Variants in ZNF219 observed in about 807,000 individuals in gnomAD.
ZNF219 encodes the protein zinc finger protein 219.
In ZNF219, 17 loss-of-function variants were observed where a neutral mutation model predicts 54.4. The ratio of observed to expected loss-of-function variants is 0.31; its 90% CI spans 0.21 to 0.47. ZNF219 has a LOEUF of 0.47. Ranked by LOEUF, ZNF219 falls within the 20% of genes least tolerant of loss-of-function variation. ZNF219 has a pLI of 1.00. For synonymous variants in ZNF219, 518 were observed against 476.4 expected (o/e 1.09, Z -1.14); for missense variants, 1,014 against 1,062.3 (o/e 0.95, Z 0.63).
At chr14:21,091,809 G>A (rs1888901860) in intron 3 of ZNF219, 56 bp downstream of exon 3, 3 of 1,482,290 alleles carry the variant, frequency 2.0e-6, no homozygotes, top group Non-Finnish European at 1.8e-6. Flanking sequence ...GGGAGTGGCG[G>A]CGTAAGAGTC....
At position 21,091,487 on chromosome 14, in the gene ZNF219, G is replaced by A. The variant is rs779382910; in HGVS notation, c.1488C>T (p.Thr496=). 4 of 1,610,162 alleles carry A rather than the reference G, an allele frequency of 2.5e-6. No individual in the cohort carries two copies. In the South Asian group the frequency reaches 3.3e-5, roughly 13 times the overall value. ...GTRPEGGRGA[T]GKDCPFCGKS... is the part of the protein sequence containing the mutation. ...TTCCGCAGAAAGGACAATCCTTGCC[G>A]GTGGCGCCCCGGCCCCCTTCAGGCC... is the stretch of plus-strand genomic sequence containing the variant. The change falls in exon 4 of 5, where the codon ACC becomes ACT. Residue 496 remains threonine (T), a synonymous_variant. Coordinates refer to ENST00000360947, the MANE Select transcript of ZNF219 (RefSeq NM_016423.3).
At position 21,091,104 on chromosome 14, in the gene ZNF219, G is replaced by A. The variant is rs1473434952; in HGVS notation, c.1601C>T (p.Ala534Val). 3 of 1,583,800 alleles carry A rather than the reference G, an allele frequency of 1.9e-6. No homozygotes were observed. Among genetic ancestry groups the A allele is most frequent in the Non-Finnish European group, 8.6e-7 (1 of 1,168,882 alleles). The change falls in exon 5 of 5, where the codon GCG becomes GTG. Residue 534 changes from alanine (A) to valine (V), a missense_variant. Around this residue, in one of 5 missense-constraint regions of ZNF219, gnomAD observed 38 missense variants for 67.3 expected, o/e 0.56. Coordinates refer to ENST00000360947, the MANE Select transcript of ZNF219 (RefSeq NM_016423.3). ...CTTGAGCGAGCCGGACTGGGTGCCC[G>A]CGTAGTCGCAGTGCGGACACTTGTA... ...RPYKCPHCDY[A>V]GTQSGSLKYH...
upstream of ZNF219, chr14:21,102,554 G>A: frequency 6.4e-7 from 1 of 1,551,658 alleles, no homozygotes; most frequent in Non-Finnish European, 8.7e-7. Context: ...GGATAAGGAG[G>A]CAAGAGGAGG....
At chr14:21,098,968 A>T (rs1889480054), upstream of ZNF219, 3 of 638,214 alleles carry the variant, frequency 4.7e-6, no homozygotes, top group Non-Finnish European at 6.6e-6. Flanking sequence ...TGTCGGCCGT[A>T]TAAGAAACAT....
rs1186030448 is a variant in ZNF219, at chr14:21,092,388, C to T, written c.909G>A (p.Ala303=). 19 of 1,573,734 alleles carry T rather than the reference C, an allele frequency of 1.2e-5. No individual in the cohort carries two copies. The highest frequency in any genetic ancestry group is 1.5e-5 in the Non-Finnish European group (17 of 1,160,010). ...MRKHKASFDH[A]CPVCGRCFKE... is the part of the protein sequence containing the mutation. ...TGAAGCAGCGGCCGCACACCGGACA[C>T]GCATGATCGAAGGAGGCCTTGTGCT... The change falls in exon 3 of 5, where the codon GCG becomes GCA. Residue 303 remains alanine, a synonymous_variant. Transcript: ENST00000360947.
chr14:21,093,968 A>T, intron 1 of ZNF219: 1 of 385,720 alleles, frequency 2.6e-6, no homozygotes, highest in Non-Finnish European at 5.0e-6. Context: ...GACCATCACA[A>T]TATGCCCCTC....
intron 4 of ZNF219, 124 bp from the exon 5 acceptor site, chr14:21,091,264 T>G: frequency 6.6e-7 from 1 of 1,507,098 alleles, no homozygotes; most frequent in Non-Finnish European, 8.9e-7. Flanking sequence ...CCCACCCACT[T>G]TGATTTAATA....
chr14:21,093,970 A>C, intron 1 of ZNF219: 1 of 384,816 alleles, frequency 2.6e-6, no homozygotes, highest in East Asian at 6.2e-5. Context: ...CCATCACAAT[A>C]TGCCCCTCTC....
At chr14:21,095,033 G>A (rs1364680417) in intron 1 of ZNF219, among the ~76,000 whole-genome samples, 1 of 151,704 alleles carries the variant, frequency 6.6e-6, no homozygotes, top group Non-Finnish European at 1.5e-5. Flanking sequence ...CTTTGCCTAA[G>A]GATCTTTAAT....
At chr14:21,101,854 C>T (rs1201024419), upstream of ZNF219, 2 of 1,550,400 alleles carry the variant, frequency 1.3e-6, no homozygotes, top group Non-Finnish European at 1.7e-6. Flanking sequence ...TTACCCTACC[C>T]TTACCCCCAG....
At position 21,090,869 on chromosome 14, in the gene ZNF219, AGGGCTGGC is replaced by A; in HGVS notation, c.1828_1835del (p.Ala610TrpfsTer11). On this transcript the variant is annotated frameshift_variant, in exon 5 of 5. Coordinates refer to ENST00000360947, the MANE Select transcript of ZNF219 (RefSeq NM_016423.3). LOFTEE classifies it high-confidence loss of function. The surrounding 1 kb of genome is among the most constrained non-coding windows in gnomAD (Gnocchi z 4.4). The stretch of plus-strand genomic sequence containing the variant: ...CTCGCCCGTTGCGCAGGGTCCTCCC[AGGGCTGGC>A]GGGCTTCCGACGGGACCCCGGCCCA... The A allele has an allele frequency of 6.4e-7, 1 of 1,553,662 alleles. No homozygotes were observed. The highest frequency in any genetic ancestry group is 8.7e-7 in the Non-Finnish European group (1 of 1,150,464).
rs1287390692 is a variant in ZNF219 at position 21,096,319 on chromosome 14, GA to G, written c.-84+1992del. On this transcript the variant is annotated intron_variant, in intron 1 of 4. Coordinates refer to ENST00000360947, the MANE Select transcript of ZNF219 (RefSeq NM_016423.3). ...AACTGAAGCTGAATTCCCCAGCACG[GA>G]AAGTTTCCCCAGAAGGTGGCCTAAA... 3.9e-5 allele frequency among the ~76,000 whole-genome samples: 6 copies of G among 152,316 alleles called. No homozygotes were observed. In the East Asian group the frequency reaches 1.2e-3, roughly 29 times the overall value.
Position 21,092,780 on chromosome 14 carries a change from G to A in ZNF219, c.517C>T (p.Arg173Cys), listed in dbSNP as rs1284219136. The A allele has an allele frequency of 6.3e-7, 1 of 1,581,850 alleles. No individual in the cohort carries two copies. The highest frequency in any genetic ancestry group is 8.6e-7 in the Non-Finnish European group (1 of 1,163,360). ...FRCPYCKGKF[R>C]TSAERERHLH... ...TGGCGTTCGCGCTCCGCCGAGGTGCGAAACTTGCCTTTGCAGTAGGGGCAA... is the reference window on the plus strand; with the variant it reads ...TGGCGTTCGCGCTCCGCCGAGGTGCAAAACTTGCCTTTGCAGTAGGGGCAA... Residue 173 changes from arginine (R) to cysteine (C), a missense_variant, in exon 3 of 5, where the codon CGC becomes TGC. Coordinates refer to ENST00000360947, the MANE Select transcript of ZNF219 (RefSeq NM_016423.3).
chr14:21,098,724 G>A, upstream of ZNF219: 4 of 1,173,130 alleles, frequency 3.4e-6, no homozygotes, highest in Non-Finnish European at 4.4e-6. Flanking sequence ...ATTCCAACAG[G>A]AGACTGGAAG....
At chr14:21,101,448 A>C, upstream of ZNF219, 1 of 1,551,392 alleles carries the variant, frequency 6.4e-7, no homozygotes, top group Non-Finnish European at 8.7e-7. Context: ...TCTTGGTGCT[A>C]GCGGTGAGGC....
chr14:21,098,010 T>TC (rs1041834047), intron 1 of ZNF219, among the ~76,000 whole-genome samples: 2 of 54,008 alleles, frequency 3.7e-5, no homozygotes, highest in South Asian at 1.4e-3. Flanking sequence ...CCCCGCCACA[T>TC]CCCCCCCGTT....
In ZNF219 at chr14:21,092,848, T is replaced by A; in HGVS notation, c.449A>T (p.Glu150Val). Residue 150 changes from glutamate (E) to valine (V), a missense_variant, in exon 3 of 5, where the codon GAG (glutamate) becomes GTG (valine). By Grantham distance (121) the Glu-to-Val change is moderately radical. Around this residue, in one of 5 missense-constraint regions of ZNF219, gnomAD observed 395 missense variants for 415.1 expected, o/e 0.95. Coordinates refer to ENST00000360947, the MANE Select transcript of ZNF219 (RefSeq NM_016423.3). ...AGGAGCCTGGGGCCGCGCCAGACCC[T>A]CAGTGGCAGGGGTGGCCTGCATGCC... ...SGGMQATPAT[E>V]GLARPQAPSS... is the part of the protein sequence containing the mutation. 8 of 1,563,008 alleles carry A rather than the reference T, an allele frequency of 5.1e-6. No individual in the cohort carries two copies. The highest frequency in any genetic ancestry group is 6.1e-6 in the Non-Finnish European group (7 of 1,154,842).
In ZNF219 at chr14:21,090,515, CT is replaced by C; in HGVS notation, c.*20del. On this transcript the variant is annotated 3_prime_UTR_variant, in exon 5 of 5. Coordinates refer to ENST00000360947, the MANE Select transcript of ZNF219 (RefSeq NM_016423.3). The surrounding 1 kb of genome is among the most constrained non-coding windows in gnomAD (Gnocchi z 4.4). ...GCTCCGGCGGGGTAAGCTCACTAAG[CT>C]AATCGCCCCTGAGGGCCCACTACCG... The C allele has an allele frequency of 6.4e-7, 1 of 1,569,912 alleles. No homozygotes were observed. The highest frequency in any genetic ancestry group is 8.7e-7 in the Non-Finnish European group (1 of 1,155,342).
At chr14:21,094,574 C>T (rs980169133) in intron 1 of ZNF219, 26 of 271,570 alleles carry the variant, frequency 9.6e-5, no homozygotes, top group Middle Eastern at 8.4e-4. Flanking sequence ...GGACGGGGGG[C>T]GGGGCTGGGC....
Sources: gnomAD v4.1 joint callset for allele counts (sites outside exome capture counted in the v4.1 genomes callset) on GRCh38, gnomAD v4.1.1 for gene constraint, gnomAD v4.1.1 regional missense constraint, Gnocchi (gnomAD v3.1) non-coding constraint, MANE v1.5 for transcripts, NCBI Gene and HGNC (gene_info 2026-07-23, HGNC 2026-07-21) for gene names.